The following ABCC4 variants were observed in gnomAD, a reference collection of about 807,000 sequenced individuals.
ABCC4 encodes the protein ATP binding cassette subfamily C member 4 (PEL blood group).
In ABCC4, 102 loss-of-function variants were observed where a neutral mutation model predicts 168.5. The observed-to-expected ratio is 0.61, with a 90% CI of 0.52 to 0.71. ABCC4 has a LOEUF of 0.71. Ranked by LOEUF, ABCC4 falls within the 30% of genes least tolerant of loss-of-function variation. The pLI is 0.00. For synonymous variants in ABCC4, 617 were observed against 590.7 expected (o/e 1.04, Z -0.65); for missense variants, 1,402 against 1,605.8 (o/e 0.87, Z 2.17).
At chr13:95,191,839 T>C (rs1469380177) in intron 9 of ABCC4, among the ~76,000 whole-genome samples, 1 of 152,248 alleles carries the variant, frequency 6.6e-6, no homozygotes, top group African/African-American at 2.4e-5. Context: ...GTGAGCCACA[T>C]GCAAAACCCA....
At chr13:95,240,181 T>TA (rs1216707101) in intron 3 of ABCC4, among the ~76,000 whole-genome samples, 12 of 152,176 alleles carry the variant, frequency 7.9e-5, no homozygotes, top group Non-Finnish European at 1.3e-4. Context: ...GGAGGAGGGA[T>TA]ATGCAATGAG....
chr13:95,129,558 T>G (rs928001564), intron 19 of ABCC4, among the ~76,000 whole-genome samples: 3 of 152,192 alleles, frequency 2.0e-5, no homozygotes, highest in Non-Finnish European at 4.4e-5. Flanking sequence ...TATCCTGCTA[T>G]CCTATGAAAA....
chr13:95,179,972 G>C (rs1323891733), intron 11 of ABCC4, among the ~76,000 whole-genome samples: 1 of 152,146 alleles, frequency 6.6e-6, no homozygotes, highest in Non-Finnish European at 1.5e-5. Flanking sequence ...ATTATCATTT[G>C]CTATTGATGA....
At chr13:95,190,016 A>G in intron 9 of ABCC4, among the ~76,000 whole-genome samples, 1 of 150,850 alleles carries the variant, frequency 6.6e-6, no homozygotes, top group East Asian at 1.9e-4. Flanking sequence ...AATGTTAACA[A>G]AATTATCAAT....
intron 4 of ABCC4, among the ~76,000 whole-genome samples, chr13:95,214,538 G>T (rs893120736): frequency 1.3e-5 from 2 of 152,030 alleles, no homozygotes; most frequent in Non-Finnish European, 2.9e-5. Context: ...TGACACACCA[G>T]AAACAATGAA....
chr13:95,202,641 G>T (rs2038661145), intron 8 of ABCC4, among the ~76,000 whole-genome samples: 1 of 129,568 alleles, frequency 7.7e-6, no homozygotes, highest in African/African-American at 2.9e-5. Flanking sequence ...ATAAGAATGT[G>T]CACTTTTTTT....
At chr13:95,200,736 A>G (rs2038601504) in intron 8 of ABCC4, among the ~76,000 whole-genome samples, 2 of 152,134 alleles carry the variant, frequency 1.3e-5, no homozygotes, top group African/African-American at 2.4e-5. Context: ...AAACAAAACA[A>G]AACAAAAGAT....
chr13:95,142,533 A>T (rs916581422), intron 19 of ABCC4, among the ~76,000 whole-genome samples: 4 of 152,276 alleles, frequency 2.6e-5, no homozygotes, highest in African/African-American at 9.6e-5. Flanking sequence ...ACCACTAAAG[A>T]ACTTACTCAT....
At chr13:95,151,448 C>G (rs185625245) in intron 19 of ABCC4, among the ~76,000 whole-genome samples, 1 of 143,876 alleles carries the variant, frequency 7.0e-6, no homozygotes, top group East Asian at 2.1e-4. Context: ...GCACTCCAGC[C>G]TAGGCAACAG....
At chr13:95,095,256 A>C (rs1247999496) in intron 20 of ABCC4, among the ~76,000 whole-genome samples, 3 of 152,124 alleles carry the variant, frequency 2.0e-5, no homozygotes, top group Non-Finnish European at 4.4e-5. Flanking sequence ...AATGCCCATC[A>C]ATCAATGAGT....
intron 26 of ABCC4, 80 bp from the exon 27 acceptor site, chr13:95,053,264 T>A: frequency 9.3e-7 from 1 of 1,071,796 alleles, no homozygotes; most frequent in Non-Finnish European, 1.4e-6. Context: ...ACAATAGAAT[T>A]AAGATACCAA....
intron 1 of ABCC4, chr13:95,269,431 AAAAATAT>A (rs939345661): frequency 3.5e-5 from 6 of 172,566 alleles, no homozygotes; most frequent in African/African-American, 4.4e-5. Flanking sequence ...ATCTCAAAAA[AAAAATAT>A]ATATATATAT....
At chr13:95,029,981 G>A (rs1366755680) in intron 30 of ABCC4, among the ~76,000 whole-genome samples, 2 of 109,226 alleles carry the variant, frequency 1.8e-5, no homozygotes, top group African/African-American at 3.5e-5. Context: ...AGGACTTCTT[G>A]TCTATCTATC....
At chr13:95,157,249 C>T (rs2036899597) in intron 19 of ABCC4, among the ~76,000 whole-genome samples, 1 of 151,912 alleles carries the variant, frequency 6.6e-6, no homozygotes, top group South Asian at 2.1e-4. Context: ...CCCAGCTCCA[C>T]ATTGCTCGTC....
At chr13:95,109,721 A>G (rs1321699550) in intron 20 of ABCC4, among the ~76,000 whole-genome samples, 1 of 152,146 alleles carries the variant, frequency 6.6e-6, no homozygotes, top group Non-Finnish European at 1.5e-5. Flanking sequence ...GACCTTAACC[A>G]TTCTCTCCTA....
At chr13:95,142,709 A>G (rs1002358574) in intron 19 of ABCC4, among the ~76,000 whole-genome samples, 16 of 152,332 alleles carry the variant, frequency 1.1e-4, no homozygotes, top group Admixed American at 2.6e-4. Context: ...AATTAGGATT[A>G]GATCTTATCA....
At chr13:95,279,448 T>G (rs1408875264) in intron 1 of ABCC4, among the ~76,000 whole-genome samples, 1 of 152,204 alleles carries the variant, frequency 6.6e-6, no homozygotes, top group African/African-American at 2.4e-5. Flanking sequence ...ATGTTAATCA[T>G]GGTTATGGTA....
At chr13:95,218,905 AAGAGAG>A (rs1156394678) in intron 4 of ABCC4, among the ~76,000 whole-genome samples, 1 of 44,182 alleles carries the variant, frequency 2.3e-5, no homozygotes, top group Admixed American at 2.3e-4. Context: ...GAGAGAGAGA[AAGAGAG>A]AGAGAGAGAA....
intron 19 of ABCC4, among the ~76,000 whole-genome samples, chr13:95,140,220 C>T (rs948967598): frequency 1.1e-4 from 16 of 152,222 alleles, no homozygotes; most frequent in Non-Finnish European, 2.4e-4. Context: ...TACGTTTCCT[C>T]AACTCTGGGG....
Sources: allele counts gnomAD v4.1 joint callset (sites outside exome capture counted in the v4.1 genomes callset), GRCh38; gene constraint gnomAD v4.1.1; transcripts MANE v1.5; gene names NCBI Gene and HGNC (gene_info 2026-07-23, HGNC 2026-07-21).